Variants in VASP observed in about 807,000 individuals in gnomAD.
VASP encodes the protein vasodilator-stimulated phosphoprotein.
A neutral mutation model predicts 54.4 loss-of-function variants in VASP; 27 were observed. The observed-to-expected ratio is 0.50, with a 90% CI of 0.37 to 0.68. The LOEUF (loss-of-function observed/expected upper bound fraction) is 0.68, where lower values mean the gene tolerates loss of function less well. VASP is among the 30% of genes least tolerant of loss of function. VASP has a pLI of 0.00. For missense variants in VASP, 488 were observed against 528.3 expected (o/e 0.92, Z 0.75); for synonymous variants, 233 against 209.8 (o/e 1.11, Z -0.96).
intron 11 of VASP, chr19:45,524,861 C>G (rs1208727903): frequency 1.9e-6 from 1 of 527,828 alleles, no homozygotes; most frequent in East Asian, 3.4e-5. Context: ...ATTAATCTAT[C>G]ACCGCGCTCA....
At chr19:45,524,736 TC>T (rs1377158053) in intron 11 of VASP, 76 bp downstream of exon 11, 1 of 1,406,902 alleles carries the variant, frequency 7.1e-7, no homozygotes, top group Admixed American at 1.9e-5. Flanking sequence ...TGCCGTATGA[TC>T]CTAGATAACA....
At chr19:45,514,300 C>A (rs534201765) in intron 1 of VASP, among the ~76,000 whole-genome samples, 2 of 152,056 alleles carry the variant, frequency 1.3e-5, no homozygotes, top group African/African-American at 4.8e-5. Context: ...ATCACGGAGG[C>A]CCTGGAGAGA....
chr19:45,523,137 TATAAGAATCATAG>T (rs1451824043), intron 7 of VASP, among the ~76,000 whole-genome samples: 1 of 147,716 alleles, frequency 6.8e-6, no homozygotes, highest in Non-Finnish European at 1.5e-5. Flanking sequence ...TGTTCCCTAA[TATAAGAATCATAG>T]AACCTCCTCC....
intron 9 of VASP, 91 bp downstream of exon 9, chr19:45,523,968 C>A (rs529570496): frequency 6.2e-7 from 1 of 1,608,158 alleles, no homozygotes; most frequent in Non-Finnish European, 8.5e-7. Context: ...AGAGTCAGGG[C>A]GAATGGTGCT....
Position 45,509,393 on chromosome 19 carries a change from C to CA in VASP, c.5+1617_5+1618insA, listed in dbSNP as rs1179275003. Among the ~76,000 whole-genome samples, 12 of 152,264 alleles carry CA rather than the reference C, an allele frequency of 7.9e-5. No individual in the cohort carries two copies. The East Asian group carries it at 2.3e-3, about 29-fold the overall frequency. ...TTGCCCCCCAGCCCCGCCCCTCCAC[C>CA]CCCCCTCGCGTTTCCGGTCCCAGGC... On this transcript the variant is annotated intron_variant, in intron 1 of 12. Transcript: ENST00000245932.
intron 1 of VASP, among the ~76,000 whole-genome samples, chr19:45,516,011 T>C (rs1448667657): frequency 6.6e-6 from 1 of 152,172 alleles, no homozygotes. Context: ...TCTGGGGATA[T>C]CAGCTCCTGA....
chr19:45,518,579 A>C (rs1417325552), intron 3 of VASP, among the ~76,000 whole-genome samples: 1 of 152,054 alleles, frequency 6.6e-6, no homozygotes, highest in Non-Finnish European at 1.5e-5. Context: ...AACAAACACA[A>C]AAAAAATGCA....
Position 45,524,650 on chromosome 19 carries a change from G to C in VASP, c.1037G>C (p.Arg346Thr). 1.2e-6 allele frequency: 2 copies of C among 1,613,748 alleles called. No homozygotes were observed. Among genetic ancestry groups the C allele is most frequent in the Non-Finnish European group, 1.7e-6 (2 of 1,179,860 alleles). Reference protein sequence around the residue: ...PSSSDYSDLQRVKQELLEEVK... With the variant: ...PSSSDYSDLQTVKQELLEEVK... Reference sequence around the variant, plus strand: ...TCCAGTGATTACTCGGACCTACAGAGGGTGAAACAGGTAACTTGGGGGGGA... The same window carrying C: ...TCCAGTGATTACTCGGACCTACAGACGGTGAAACAGGTAACTTGGGGGGGA... The change falls in exon 11 of 13, where the codon AGG becomes ACG. Residue 346 changes from arginine (R) to threonine (T), a missense_variant. By Grantham distance (71) the Arg-to-Thr change is moderately conservative (BLOSUM62 -1). Coordinates refer to ENST00000245932, the MANE Select transcript of VASP (RefSeq NM_003370.4).
chr19:45,518,267 A>G (rs1269168080), intron 3 of VASP, among the ~76,000 whole-genome samples, 173 bp downstream of exon 3: 1 of 152,158 alleles, frequency 6.6e-6, no homozygotes. Flanking sequence ...GTGTGCACCT[A>G]TGTGTAAAAT....
intron 11 of VASP, 45 bp downstream of exon 11, chr19:45,524,705 G>GTT (rs1319686776): frequency 1.0e-5 from 16 of 1,581,680 alleles, no homozygotes; most frequent in Non-Finnish European, 1.4e-5. Context: ...AGAGATCTAG[G>GTT]TCTGGCCCCT....
rs1285501931 is a variant in VASP, at chr19:45,522,417, C to T, written c.556C>T (p.Pro186Ser). 6.5e-7 allele frequency: 1 copy of T among 1,528,534 alleles called. No individual in the cohort carries two copies. Among genetic ancestry groups the T allele is most frequent in the East Asian group, 2.4e-5 (1 of 40,920 alleles). 94.7% of individuals were successfully genotyped at this position (1,528,534 alleles called of 1,614,324 possible). A position where few individuals can be genotyped will look rare whatever the true frequency, so the allele number is the denominator to read the frequency against. The change falls in exon 6 of 13, where the codon CCA (proline) becomes TCA (serine). Residue 186 changes from proline (P) to serine (S), a missense_variant. Physicochemically the swap from Pro to Ser is moderately conservative, Grantham distance 74. This residue lies in a region of VASP where 226 missense variants were observed against 196.0 expected (regional missense o/e 1.15). Transcript: ENST00000245932. ...PPPPPGPPPP[P>S]GLPPSGVPAA... ...CCCTCCTCCAGGTCCCCCCCCACCC[C>T]CAGGTTTGCCCCCTTCGGGGGTCCC...
rs571833735 is a variant in VASP at position 45,508,166 on chromosome 19, G to A, written c.5+390G>A. ...CAGCTCGAGGTCCGGGAAGGATTGT[G>A]GGGGACCGATTTGGGATACCCTGGG... On this transcript the variant is annotated intron_variant, in intron 1 of 12. Transcript: ENST00000245932. 3.3e-5 allele frequency among the ~76,000 whole-genome samples: 5 copies of A among 152,182 alleles called. No individual in the cohort carries two copies. In the South Asian group the frequency reaches 1.0e-3, roughly 32 times the overall value.
chr19:45,525,318 CT>C (rs1968937022), intron 11 of VASP, among the ~76,000 whole-genome samples: 1 of 152,094 alleles, frequency 6.6e-6, no homozygotes, highest in South Asian at 2.1e-4. Context: ...AATCCCAGCA[CT>C]TTGGGAGGCC....
At chr19:45,515,769 C>T (rs1368143188) in intron 1 of VASP, among the ~76,000 whole-genome samples, 1 of 152,152 alleles carries the variant, frequency 6.6e-6, no homozygotes, top group East Asian at 1.9e-4. Context: ...AACACCTGAG[C>T]TCAAGCGATC....
rs1041315864 is a variant in VASP at position 45,522,427 on chromosome 19, C to G, written c.566C>G (p.Pro189Arg). 36 of 1,524,520 alleles carry G rather than the reference C, an allele frequency of 2.4e-5. No individual in the cohort carries two copies. The highest frequency in any genetic ancestry group is 2.8e-5 in the Non-Finnish European group (32 of 1,135,478). The allele number at this position is 1,524,520 out of a possible 1,614,324, so 94.4% of individuals were successfully genotyped here. A position where few individuals can be genotyped will look rare whatever the true frequency, so the allele number is the denominator to read the frequency against. The change falls in exon 6 of 13, where the codon CCC (proline) becomes CGC (arginine). Residue 189 changes from proline (P) to arginine (R), a missense_variant. Pro to Arg is a moderately radical substitution (Grantham distance 103). This residue lies in a region of VASP where 226 missense variants were observed against 196.0 expected (regional missense o/e 1.15). Transcript: ENST00000245932. ...PPGPPPPPGL[P>R]PSGVPAAAHG... ...GGTCCCCCCCCACCCCCAGGTTTGC[C>G]CCCTTCGGGGGTCCCAGCTGCAGCG... is the stretch of plus-strand genomic sequence containing the variant.
rs1968518580 is a variant in VASP, at chr19:45,507,838, C to T, written c.5+62C>T. The stretch of plus-strand genomic sequence containing the variant: ...GGCGGGCTCCGCGCCCCGCCTTTGT[C>T]CCCCTCCCCCCCAGCTAGCTCCGGG... On this transcript the variant is annotated intron_variant, in intron 1 of 12. Transcript: ENST00000245932. The surrounding 1 kb of genome is among the most constrained non-coding windows in gnomAD (Gnocchi z 4.4). 1.0e-5 allele frequency: 10 copies of T among 984,968 alleles called. No homozygotes were observed. Among genetic ancestry groups the T allele is most frequent in the Non-Finnish European group, 1.2e-5 (9 of 749,100 alleles). The allele number at this position is 984,968 out of a possible 1,614,324, so 61.0% of individuals were successfully genotyped here.
chr19:45,524,447 CA>C, intron 10 of VASP, 122 bp from the exon 11 acceptor site: 2 of 1,043,630 alleles, frequency 1.9e-6, no homozygotes, highest in South Asian at 1.4e-5. Context: ...ACTGGGGCCC[CA>C]AAAATACTTG....
At chr19:45,521,185 G>A (rs751192190) in intron 3 of VASP, 137 bp from the exon 4 acceptor site, 18 of 856,730 alleles carry the variant, frequency 2.1e-5, no homozygotes, top group Non-Finnish European at 3.0e-5. Flanking sequence ...CCTGGGCCTG[G>A]AGCCTCAGGG....
chr19:45,518,311 T>C (rs1968753439), intron 3 of VASP, among the ~76,000 whole-genome samples: 1 of 152,194 alleles, frequency 6.6e-6, no homozygotes, highest in African/African-American at 2.4e-5. Context: ...CTCATGCCTG[T>C]AATCTCAGCA....
Sources: gnomAD v4.1 joint callset for allele counts (sites outside exome capture counted in the v4.1 genomes callset) on GRCh38, gnomAD v4.1.1 for gene constraint, gnomAD v4.1.1 regional missense constraint, Gnocchi (gnomAD v3.1) non-coding constraint, MANE v1.5 for transcripts, NCBI Gene and HGNC (gene_info 2026-07-23, HGNC 2026-07-21) for gene names.